Variants in TCERG1L observed in about 807,000 individuals in gnomAD.
TCERG1L encodes transcription elongation regulator 1-like protein.
Under a neutral mutation model 56.3 loss-of-function variants are expected in TCERG1L, and 37 were observed. That is an observed-to-expected ratio of 0.66 (90% CI 0.51 to 0.87). The LOEUF (loss-of-function observed/expected upper bound fraction) is 0.87. TCERG1L is among the 40% of genes least tolerant of loss of function. The pLI is 0.00. For missense variants in TCERG1L, 799 were observed against 774.2 expected (o/e 1.03, Z -0.38); for synonymous variants, 324 against 326.3 (o/e 0.99, Z 0.08).
chr10:131,199,687 T>TG lies in TCERG1L; in HGVS notation c.857-32803dup, dbSNP rs543102653. On this transcript the variant is annotated intron_variant, in intron 4 of 11. Coordinates refer to ENST00000368642, the MANE Select transcript of TCERG1L (RefSeq NM_174937.4). ...TTACTTCTTGAAGCCACCTGCTCTG[T>TG]GGGGTCTCAACTGACAACAAGCAGT... 1.9e-3 allele frequency among the ~76,000 whole-genome samples: 286 copies of TG among 152,346 alleles called. 2 individuals are homozygous for TG. In the Middle Eastern group the frequency reaches 0.027, roughly 14 times the overall value.
intron 3 of TCERG1L, among the ~76,000 whole-genome samples, chr10:131,306,654 C>T (rs1364017691): frequency 4.0e-5 from 6 of 151,890 alleles, no homozygotes; most frequent in Admixed American, 2.0e-4. Flanking sequence ...TATGTACCCA[C>T]AAAAAATTAT....
chr10:131,249,082 A>G (rs1846075890), intron 4 of TCERG1L, among the ~76,000 whole-genome samples: 1 of 152,270 alleles, frequency 6.6e-6, no homozygotes, highest in Non-Finnish European at 1.5e-5. Flanking sequence ...GTAAACAGCC[A>G]GAACCCAGCC....
intron 4 of TCERG1L, among the ~76,000 whole-genome samples, chr10:131,203,224 A>G (rs544283130): frequency 6.7e-6 from 1 of 149,294 alleles, no homozygotes; most frequent in South Asian, 2.1e-4. Context: ...TCTGGGTTAC[A>G]GAGCACAGCT....
At chr10:131,244,305 G>C (rs767208058) in intron 4 of TCERG1L, among the ~76,000 whole-genome samples, 10 of 152,152 alleles carry the variant, frequency 6.6e-5, no homozygotes, top group Non-Finnish European at 1.3e-4. Context: ...AATGCCAGGA[G>C]CAGAAGTGTC....
intron 4 of TCERG1L, among the ~76,000 whole-genome samples, chr10:131,255,820 G>A (rs1478041406): frequency 2.0e-5 from 3 of 152,244 alleles, no homozygotes; most frequent in Non-Finnish European, 4.4e-5. Context: ...CCCTGTGAAA[G>A]CAGCTCTCCT....
intron 3 of TCERG1L, among the ~76,000 whole-genome samples, chr10:131,302,701 A>G (rs1846778158): frequency 1.3e-5 from 2 of 150,064 alleles, no homozygotes; most frequent in South Asian, 2.1e-4. Context: ...ATAGGTATAC[A>G]TGCACCATGG....
chr10:131,210,203 T>C (rs1396215398), intron 4 of TCERG1L, among the ~76,000 whole-genome samples: 1 of 152,204 alleles, frequency 6.6e-6, no homozygotes, highest in East Asian at 1.9e-4. Context: ...ATGGGAGCTG[T>C]TGTTGTGCCC....
At chr10:131,096,831 A>G (rs1564790864) in intron 11 of TCERG1L, among the ~76,000 whole-genome samples, 1 of 150,820 alleles carries the variant, frequency 6.6e-6, no homozygotes, top group Non-Finnish European at 1.5e-5. Context: ...GCTTGCAGTG[A>G]GCCGAGATTG....
chr10:131,271,160 C>G (rs1846336717), intron 3 of TCERG1L, among the ~76,000 whole-genome samples: 1 of 147,654 alleles, frequency 6.8e-6, no homozygotes. Flanking sequence ...CCTCCAGAAC[C>G]TGCCTCCAGA....
chr10:131,169,185 C>G (rs958977249), intron 4 of TCERG1L, among the ~76,000 whole-genome samples: 3 of 152,130 alleles, frequency 2.0e-5, no homozygotes, highest in African/African-American at 7.2e-5. Context: ...GCAGGGTCGT[C>G]CTGTCCCCAC....
intron 4 of TCERG1L, among the ~76,000 whole-genome samples, chr10:131,237,788 T>A (rs1262037328): frequency 6.6e-6 from 1 of 152,138 alleles, no homozygotes; most frequent in Non-Finnish European, 1.5e-5. Context: ...TCCTAAATAT[T>A]TCCCTGTAGG....
chr10:131,230,430 G>A (rs1334499882), intron 4 of TCERG1L, among the ~76,000 whole-genome samples: 2 of 152,196 alleles, frequency 1.3e-5, no homozygotes, highest in Non-Finnish European at 2.9e-5. Flanking sequence ...CACCCCAGAG[G>A]GCACCGGCTG....
At chr10:131,170,673 TTA>T (rs1316523678) in intron 4 of TCERG1L, among the ~76,000 whole-genome samples, 4 of 152,174 alleles carry the variant, frequency 2.6e-5, no homozygotes, top group African/African-American at 4.8e-5. Flanking sequence ...TTCACTGCTC[TTA>T]TAGAGTCCAG....
At chr10:131,200,931 C>T (rs980942871) in intron 4 of TCERG1L, among the ~76,000 whole-genome samples, 3 of 152,130 alleles carry the variant, frequency 2.0e-5, no homozygotes, top group East Asian at 1.9e-4. Flanking sequence ...GCTTCTCGCA[C>T]GGTTATCTCC....
intron 4 of TCERG1L, among the ~76,000 whole-genome samples, chr10:131,226,683 C>T (rs912680593): frequency 3.3e-5 from 5 of 152,320 alleles, no homozygotes; most frequent in South Asian, 4.1e-4. Flanking sequence ...GAAAGACATT[C>T]AAGGTAAATT....
chr10:131,263,474 C>T (rs920888681), intron 3 of TCERG1L, among the ~76,000 whole-genome samples: 37 of 152,330 alleles, frequency 2.4e-4, no homozygotes, highest in African/African-American at 8.7e-4. Flanking sequence ...CACACCACAT[C>T]TGTGGCTTTT....
chr10:131,258,580 T>C (rs1179390934), intron 4 of TCERG1L, among the ~76,000 whole-genome samples: 4 of 152,180 alleles, frequency 2.6e-5, no homozygotes, highest in African/African-American at 4.8e-5. Context: ...CTGCATCCTG[T>C]CCTATGGGCA....
intron 4 of TCERG1L, among the ~76,000 whole-genome samples, chr10:131,177,945 G>A (rs967307751): frequency 2.0e-5 from 3 of 151,750 alleles, no homozygotes; most frequent in Non-Finnish European, 4.4e-5. Flanking sequence ...TTTCAAGTCT[G>A]TTTCCACTTT....
At chr10:131,145,302 ACGTACAAGG>A (rs1180720945) in intron 7 of TCERG1L, among the ~76,000 whole-genome samples, 2 of 152,238 alleles carry the variant, frequency 1.3e-5, no homozygotes, top group Admixed American at 6.5e-5. Context: ...CTCTTTCAAG[ACGTACAAGG>A]CCCTCTTTTA....
Sources: gnomAD v4.1 joint callset for allele counts (sites outside exome capture counted in the v4.1 genomes callset) on GRCh38, gnomAD v4.1.1 for gene constraint, MANE v1.5 for transcripts, NCBI Gene and HGNC (gene_info 2026-07-23, HGNC 2026-07-21) for gene names.